Variants in ADGRA2 observed in about 807,000 individuals in gnomAD.
ADGRA2 encodes the protein adhesion G protein-coupled receptor A2.
A neutral mutation model predicts 98.7 loss-of-function variants in ADGRA2; 61 were observed. The observed-to-expected ratio is 0.62, with a 90% CI of 0.50 to 0.76. The LOEUF is 0.76. Among genes scored for constraint, ADGRA2 ranks in the 30% least tolerant of loss-of-function variants. The pLI is 0.00. For missense variants in ADGRA2, 1,712 were observed against 1,860.0 expected, an observed-to-expected ratio of 0.92 and a Z score of 1.46; for synonymous variants, 858 against 831.5, an observed-to-expected ratio of 1.03 and a Z score of -0.55.
chr8:37,844,840 G>A lies in ADGRA2; in HGVS notation c.*2485G>A, dbSNP rs373002055. The A allele has an allele frequency of 1.4e-5, 23 of 1,613,968 alleles. No homozygotes were observed. In the African/African-American group the frequency reaches 2.0e-4, roughly 14 times the overall value. The stretch of plus-strand genomic sequence containing the variant: ...AAGGCAGAGCGGACCAGTGACTGGC[G>A]GTGCTGGAGAAGGTCACCGATGTGC... On this transcript the variant is annotated 3_prime_UTR_variant, in exon 19 of 19. Coordinates refer to ENST00000412232, the MANE Select transcript of ADGRA2 (RefSeq NM_032777.10).
chr8:37,839,579 C>CG lies in ADGRA2; in HGVS notation c.2474dup (p.Ile826HisfsTer37), dbSNP rs775086506. ...ATAGCCATGACCTCTGCTGTCTTTG[C>CG]GGGGGGCATCACACTCACCAACTAC... On this transcript the variant is annotated frameshift_variant, in exon 16 of 19. Coordinates refer to ENST00000412232, the MANE Select transcript of ADGRA2 (RefSeq NM_032777.10). LOFTEE classifies it high-confidence loss of function. The CG allele has an allele frequency of 5.0e-6, 8 of 1,614,012 alleles. No homozygotes were observed. Among genetic ancestry groups the CG allele is most frequent in the Non-Finnish European group, 2.5e-6 (3 of 1,179,996 alleles).
At position 37,830,670 on chromosome 8, in the gene ADGRA2, G is replaced by A. The variant is rs754890626; in HGVS notation, c.719-40G>A. On this transcript the variant is annotated intron_variant, in intron 6 of 18. Coordinates refer to ENST00000412232, the MANE Select transcript of ADGRA2 (RefSeq NM_032777.10). The surrounding 1 kb of genome is among the most constrained non-coding windows in gnomAD (Gnocchi z 4.8). ...CGCTCACACGTGCAGCCTCACATGC[G>A]TGTGCACTCGGGCCTCACGCCTGGT... 29 of 1,065,604 alleles carry A rather than the reference G, an allele frequency of 2.7e-5. No individual in the cohort carries two copies. In the Middle Eastern group the frequency reaches 7.9e-4, roughly 29 times the overall value. The allele number at this position is 1,065,604 out of a possible 1,614,324, so 66.0% of individuals were successfully genotyped here.
intron 9 of ADGRA2, 39 bp downstream of exon 9, chr8:37,833,247 G>T (rs757048073): frequency 2.7e-6 from 4 of 1,500,086 alleles, no homozygotes; most frequent in Non-Finnish European, 3.6e-6. Flanking sequence ...CTCTGCTTCG[G>T]GGGCACAGGG....
chr8:37,816,283 C>T (rs770404011), intron 2 of ADGRA2, among the ~76,000 whole-genome samples: 3 of 151,592 alleles, frequency 2.0e-5, no homozygotes, highest in Non-Finnish European at 2.9e-5. Context: ...GAGTAAGGCC[C>T]TGTCTCTTAA....
At chr8:37,809,204 G>T (rs1258667548) in intron 1 of ADGRA2, among the ~76,000 whole-genome samples, 1 of 151,768 alleles carries the variant, frequency 6.6e-6, no homozygotes, top group Non-Finnish European at 1.5e-5. Flanking sequence ...GCCAAGGTGA[G>T]AGGATTGCTT....
Position 37,842,294 on chromosome 8 carries a change from C to G in ADGRA2, c.3956C>G (p.Ala1319Gly). ...GKYDDVTLMG[A>G]EVASGGCMKT... ...TACGACGACGTCACCCTGATGGGCG[C>G]GGAGGTAGCCAGCGGCGGCTGCATG... The change falls in exon 19 of 19, where the codon GCG (alanine) becomes GGG (glycine). Residue 1319 changes from alanine (A) to glycine (G), a missense_variant. Coordinates refer to ENST00000412232, the MANE Select transcript of ADGRA2 (RefSeq NM_032777.10). 1 of 1,557,068 alleles carries G rather than the reference C, an allele frequency of 6.4e-7. No individual in the cohort carries two copies. Among genetic ancestry groups the G allele is most frequent in the Non-Finnish European group, 8.6e-7 (1 of 1,157,824 alleles).
chr8:37,815,337 G>A (rs2129950121), intron 2 of ADGRA2, among the ~76,000 whole-genome samples: 1 of 152,378 alleles, frequency 6.6e-6, no homozygotes, highest in Non-Finnish European at 1.5e-5. Flanking sequence ...GCGACTGACT[G>A]CGGCCCTTTT....
At position 37,814,093 on chromosome 8, in the gene ADGRA2, G is replaced by T. The variant is rs570336292; in HGVS notation, c.267-803G>T. ...CTTTCTAATAAGCAATTAACTGGGG[G>T]ATGAGCCCTTTGGCTGGCCTGGATC... On this transcript the variant is annotated intron_variant, in intron 1 of 18. Coordinates refer to ENST00000412232, the MANE Select transcript of ADGRA2 (RefSeq NM_032777.10). The surrounding 1 kb of genome is among the most constrained non-coding windows in gnomAD (Gnocchi z 4.3). Among the ~76,000 whole-genome samples the T allele has an allele frequency of 6.6e-6, 1 of 152,320 alleles. No individual in the cohort carries two copies. The highest frequency in any genetic ancestry group is 2.1e-4 in the South Asian group (1 of 4,828).
In ADGRA2 at chr8:37,830,131, C is replaced by CA. The variant is rs1196778423; in HGVS notation, c.718+121dup. ...GTTTTTACCTTTGTATTGCAATTTG[C>CA]AAAAGACCACGACACTGAGTCCTGC... On this transcript the variant is annotated intron_variant, in intron 6 of 18. Coordinates refer to ENST00000412232, the MANE Select transcript of ADGRA2 (RefSeq NM_032777.10). The surrounding 1 kb of genome is among the most constrained non-coding windows in gnomAD (Gnocchi z 4.8). 1 of 603,276 alleles carries CA rather than the reference C, an allele frequency of 1.7e-6. No individual in the cohort carries two copies. The highest frequency in any genetic ancestry group is 1.9e-5 in the African/African-American group (1 of 53,704). The allele number at this position is 603,276 out of a possible 1,614,324, so 37.4% of individuals were successfully genotyped here.
chr8:37,805,211 G>T (rs1345398424), intron 1 of ADGRA2, among the ~76,000 whole-genome samples: 1 of 152,204 alleles, frequency 6.6e-6, no homozygotes, highest in African/African-American at 2.4e-5. Flanking sequence ...CTGGAGCTCT[G>T]CCCCTGTCAC....
rs1563348025 is a variant in ADGRA2 at position 37,830,323 on chromosome 8, C to T, written c.718+309C>T. On this transcript the variant is annotated intron_variant, in intron 6 of 18. Transcript: ENST00000412232. This position sits in a 1 kb window ranked among gnomAD's most constrained non-coding sequence, Gnocchi z 4.8. ...AGCGACCCTCCCTGTGAGGCGGGGC[C>T]AGTGTTATTCTCCCTACTCCGCCTA... Among the ~76,000 whole-genome samples the T allele has an allele frequency of 6.6e-6, 1 of 152,184 alleles. No individual in the cohort carries two copies. Among genetic ancestry groups the T allele is most frequent in the Non-Finnish European group, 1.5e-5 (1 of 68,046 alleles).
Position 37,831,559 on chromosome 8 carries a change from C to A in ADGRA2, c.1069C>A (p.Arg357Ser), listed in dbSNP as rs373198805. The part of the protein sequence containing the change: ...ETSASYCPAE[R>S]VANNRGDFRW... ...CTCTGCCTCCTACTGCCCCGCCGAG[C>A]GTGTTGCCAACAACCGCGGGGACTT... Residue 357 changes from arginine (R) to serine (S), a missense_variant, in exon 8 of 19, where the codon CGT (arginine) becomes AGT (serine). Transcript: ENST00000412232. 6.2e-7 allele frequency: 1 copy of A among 1,613,822 alleles called. No homozygotes were observed. The highest frequency in any genetic ancestry group is 8.5e-7 in the Non-Finnish European group (1 of 1,180,022).
chr8:37,815,269 G>A (rs1402358574), intron 2 of ADGRA2, among the ~76,000 whole-genome samples: 1 of 152,256 alleles, frequency 6.6e-6, no homozygotes, highest in Non-Finnish European at 1.5e-5. Context: ...CCGAGCTCTC[G>A]ACTGGCCTCC....
chr8:37,823,696 C>T (rs1805189459), intron 2 of ADGRA2, among the ~76,000 whole-genome samples: 1 of 152,180 alleles, frequency 6.6e-6, no homozygotes, highest in Non-Finnish European at 1.5e-5. Context: ...TGTAAGGGTT[C>T]CAGTTCTCCA....
In ADGRA2 at chr8:37,841,657, T is replaced by A. The variant is rs1299447174; in HGVS notation, c.3319T>A (p.Ser1107Thr). The part of the protein sequence containing the change: ...RALPAAAEDG[S>T]PVFGEGPPSL... ...CCTGCCCGCCGCCGCAGAGGACGGT[T>A]CCCCGGTGTTCGGGGAGGGCCCCCC... Residue 1107 changes from serine to threonine, a missense_variant, in exon 19 of 19, where the codon TCC becomes ACC. By Grantham distance (58) the Ser-to-Thr change is moderately conservative. Transcript: ENST00000412232. This position sits in a 1 kb window ranked among gnomAD's most constrained non-coding sequence, Gnocchi z 5.0. The A allele has an allele frequency of 6.5e-7, 1 of 1,527,670 alleles. No individual in the cohort carries two copies. Among genetic ancestry groups the A allele is most frequent in the Non-Finnish European group, 8.8e-7 (1 of 1,137,280 alleles). The allele number at this position is 1,527,670 out of a possible 1,614,324, so 94.6% of individuals were successfully genotyped here.
chr8:37,829,640 C>G lies in ADGRA2; in HGVS notation c.554+81C>G, dbSNP rs1001683249. On this transcript the variant is annotated intron_variant, in intron 5 of 18. Transcript: ENST00000412232. The stretch of plus-strand genomic sequence containing the variant: ...GAGAGATGTATAAGTATCATGACCA[C>G]CAGGACTGGTCTCACGAGTGGCCAC... The G allele has an allele frequency of 2.7e-6, 3 of 1,110,670 alleles. No individual in the cohort carries two copies. The African/African-American group carries it at 4.6e-5, about 17-fold the overall frequency. 68.8% of individuals were successfully genotyped at this position (1,110,670 alleles called of 1,614,324 possible).
chr8:37,833,703 T>C lies in ADGRA2; in HGVS notation c.1312T>C (p.Ser438Pro). 6.2e-7 allele frequency: 1 copy of C among 1,614,040 alleles called. No individual in the cohort carries two copies. Residue 438 changes from serine (S) to proline (P), a missense_variant, in exon 10 of 19, where the codon TCC (serine) becomes CCC (proline). Physicochemically the swap from Ser to Pro is moderately conservative, Grantham distance 74. Transcript: ENST00000412232. ...YTFVLMPINA[S>P]NALTLAHQLR... The stretch of plus-strand genomic sequence containing the variant: ...CAATCCCCAGATGCCCATCAATGCC[T>C]CCAATGCGCTGACCCTGGCTCACCA...
At chr8:37,801,475 C>T (rs779965355) in intron 1 of ADGRA2, among the ~76,000 whole-genome samples, 7 of 152,128 alleles carry the variant, frequency 4.6e-5, no homozygotes, top group South Asian at 2.1e-4. Flanking sequence ...CAGTATTACT[C>T]GGCAGCAGCT....
At chr8:37,839,273 G>A (rs998663259) in intron 15 of ADGRA2, 190 bp downstream of exon 15, 37 of 635,944 alleles carry the variant, frequency 5.8e-5, no homozygotes, top group Non-Finnish European at 7.2e-5. Flanking sequence ...CTTGGCAGGG[G>A]TTTTTTCCCC....
Sources: gnomAD v4.1 joint callset for allele counts (sites outside exome capture counted in the v4.1 genomes callset) on GRCh38, gnomAD v4.1.1 for gene constraint, Gnocchi (gnomAD v3.1) non-coding constraint, MANE v1.5 for transcripts, NCBI Gene and HGNC (gene_info 2026-07-23, HGNC 2026-07-21) for gene names.